Variants in ARFGAP3 observed in about 807,000 individuals in gnomAD.
ARFGAP3 encodes ARF GTPase activating protein 3, also known as ADP-ribosylation factor GTPase-activating protein 3.
A neutral mutation model predicts 75.0 loss-of-function variants in ARFGAP3; 72 were observed. The ratio of observed to expected loss-of-function variants is 0.96; its 90% CI spans 0.79 to 1.17. The LOEUF is 1.17. ARFGAP3 is among the 50% of genes most tolerant of loss of function. The pLI is 0.00. For synonymous variants in ARFGAP3, 221 were observed against 217.9 expected (o/e 1.01, Z -0.13); for missense variants, 620 against 626.6 (o/e 0.99, Z 0.11).
rs528645391 is a variant in ARFGAP3, at chr22:42,823,441, C to G, written c.672+215G>C. ...ATTTTTTTCAGAATTTTGTCATAGA[C>G]AGAAAAAATGTTAAATAATCATTCT... On this transcript the variant is annotated intron_variant, in intron 8 of 15. Coordinates refer to ENST00000263245, the MANE Select transcript of ARFGAP3 (RefSeq NM_014570.5). 5.9e-5 allele frequency among the ~76,000 whole-genome samples: 9 copies of G among 152,016 alleles called. No homozygotes were observed. In the South Asian group the frequency reaches 1.9e-3, roughly 32 times the overall value.
chr22:42,831,036 A>C (rs1410957521), intron 6 of ARFGAP3, among the ~76,000 whole-genome samples: 1 of 151,692 alleles, frequency 6.6e-6, no homozygotes, highest in Non-Finnish European at 1.5e-5. Flanking sequence ...GTGGTGGCTC[A>C]CGCCTGTAAT....
At chr22:42,846,548 G>A (rs1927028872) in intron 2 of ARFGAP3, among the ~76,000 whole-genome samples, 2 of 152,170 alleles carry the variant, frequency 1.3e-5, no homozygotes, top group Non-Finnish European at 2.9e-5. Flanking sequence ...CTCACCAGAG[G>A]GGCCAATGCA....
chr22:42,797,480 T>C lies in ARFGAP3; in HGVS notation c.*108A>G, dbSNP rs1370287874. ...CAGAAACATATACCATATGAAAAAG[T>C]AGCAAAACAATCTGCAAAACTATCT... is the stretch of plus-strand genomic sequence containing the variant. On this transcript the variant is annotated 3_prime_UTR_variant, in exon 16 of 16. Coordinates refer to ENST00000263245, the MANE Select transcript of ARFGAP3 (RefSeq NM_014570.5). 2 of 1,410,116 alleles carry C rather than the reference T, an allele frequency of 1.4e-6. No individual in the cohort carries two copies. The highest frequency in any genetic ancestry group is 2.0e-6 in the Non-Finnish European group (2 of 1,000,862). The allele number at this position is 1,410,116 out of a possible 1,614,324, so 87.4% of individuals were successfully genotyped here.
chr22:42,856,997 A>C, intron 1 of ARFGAP3, 117 bp downstream of exon 1: 1 of 1,047,388 alleles, frequency 9.5e-7, no homozygotes, highest in Non-Finnish European at 1.2e-6. Flanking sequence ...CCACAGTGCG[A>C]CGTGTCACAG....
At position 42,796,876 on chromosome 22, in the gene ARFGAP3, T is replaced by C. The variant is rs1401974543; in HGVS notation, c.*712A>G. 6.6e-6 allele frequency: 1 copy of C among 152,224 alleles called. No homozygotes were observed. Among genetic ancestry groups the C allele is most frequent in the African/African-American group, 2.4e-5 (1 of 41,454 alleles). The allele number at this position is 152,224 out of a possible 1,614,324, so 9.4% of individuals were successfully genotyped here. On this transcript the variant is annotated 3_prime_UTR_variant, in exon 16 of 16. Coordinates refer to ENST00000263245, the MANE Select transcript of ARFGAP3 (RefSeq NM_014570.5). ...ACCGTATTGATTTGTGATGAGATGA[T>C]TTATTATGAGAACTCTTAGGGAGTT...
intron 3 of ARFGAP3, among the ~76,000 whole-genome samples, chr22:42,838,292 T>A (rs186225427): frequency 0.012 from 1,097 of 93,246 alleles, 5 homozygotes; most frequent in African/African-American, 0.021. Context: ...ATATATATAT[T>A]TTTTTTTTCT....
chr22:42,823,062 G>A (rs186340740), intron 8 of ARFGAP3, among the ~76,000 whole-genome samples: 6 of 152,032 alleles, frequency 3.9e-5, no homozygotes, highest in African/African-American at 1.4e-4. Context: ...CACCTGCCTC[G>A]GCCTCCCAAA....
In ARFGAP3 at chr22:42,824,046, T is replaced by G. The variant is rs577450168; in HGVS notation, c.626-344A>C. Among the ~76,000 whole-genome samples the G allele has an allele frequency of 1.8e-4, 27 of 151,612 alleles. No individual in the cohort carries two copies. The East Asian group carries it at 4.1e-3, about 23-fold the overall frequency. ...ATTACAACAACTTTTTTTTTTTTTT[T>G]GAGACAGGGTCTCGCTCTGTCACCT... is the stretch of plus-strand genomic sequence containing the variant. On this transcript the variant is annotated intron_variant, in intron 7 of 15. Transcript: ENST00000263245.
intron 1 of ARFGAP3, among the ~76,000 whole-genome samples, chr22:42,850,072 T>C (rs568335150): frequency 6.6e-6 from 1 of 152,244 alleles, no homozygotes; most frequent in South Asian, 2.1e-4. Context: ...CCTTCAACAC[T>C]GACACTGAAG....
intron 4 of ARFGAP3, chr22:42,834,536 G>A (rs1926437327): frequency 2.6e-6 from 1 of 385,248 alleles, no homozygotes; most frequent in South Asian, 1.1e-4. Context: ...AGGAAGTCAA[G>A]GACCTCAAAC....
intron 14 of ARFGAP3, among the ~76,000 whole-genome samples, chr22:42,803,866 T>TTTCC (rs886959131): frequency 2.0e-5 from 3 of 151,668 alleles, no homozygotes; most frequent in Non-Finnish European, 2.9e-5. Context: ...GAACTGATTG[T>TTTCC]TTCCTTCCTT....
At chr22:42,819,109 G>A (rs998124510) in intron 9 of ARFGAP3, among the ~76,000 whole-genome samples, 8 of 152,022 alleles carry the variant, frequency 5.3e-5, no homozygotes, top group Non-Finnish European at 7.4e-5. Context: ...CACCGCGCCC[G>A]GTGCAGAATT....
chr22:42,831,354 T>C (rs1470685800), intron 6 of ARFGAP3, among the ~76,000 whole-genome samples, 195 bp downstream of exon 6: 1 of 151,590 alleles, frequency 6.6e-6, no homozygotes, highest in Non-Finnish European at 1.5e-5. Flanking sequence ...TTTTTTTTTT[T>C]TGATAGAGAT....
chr22:42,799,850 T>C (rs1311406278), intron 14 of ARFGAP3, among the ~76,000 whole-genome samples: 1 of 152,232 alleles, frequency 6.6e-6, no homozygotes, highest in Non-Finnish European at 1.5e-5. Context: ...GCTGTCTGAC[T>C]GTGACTTAGA....
intron 2 of ARFGAP3, among the ~76,000 whole-genome samples, chr22:42,843,210 G>A (rs767957629): frequency 2.0e-5 from 3 of 152,092 alleles, no homozygotes; most frequent in Non-Finnish European, 2.9e-5. Context: ...AGGGCCTCAG[G>A]AGTGAACTTT....
At chr22:42,838,067 C>T (rs539326010) in intron 3 of ARFGAP3, among the ~76,000 whole-genome samples, 11 of 151,874 alleles carry the variant, frequency 7.2e-5, no homozygotes, top group East Asian at 1.9e-4. Context: ...TTCCAAAGGT[C>T]ACCTCTACCT....
chr22:42,817,677 A>T, intron 10 of ARFGAP3, 52 bp downstream of exon 10: 1 of 1,431,278 alleles, frequency 7.0e-7, no homozygotes, highest in South Asian at 1.2e-5. Flanking sequence ...AAATCCACTG[A>T]TGATTGACAC....
chr22:42,824,782 C>T (rs1925967363), intron 7 of ARFGAP3, among the ~76,000 whole-genome samples: 1 of 152,136 alleles, frequency 6.6e-6, no homozygotes, highest in South Asian at 2.1e-4. Context: ...CTCTTGATCC[C>T]ATCACCCAGA....
At position 42,802,169 on chromosome 22, in the gene ARFGAP3, G is replaced by A. The variant is rs116194316; in HGVS notation, c.1412-3009C>T. ...ACTGGAGGCAGGAGGACCAAGCAGC[G>A]GGTTGTGGCCACGTTTCAGGTCTGG... On this transcript the variant is annotated intron_variant, in intron 14 of 15. Coordinates refer to ENST00000263245, the MANE Select transcript of ARFGAP3 (RefSeq NM_014570.5). 2.9e-3 allele frequency among the ~76,000 whole-genome samples: 442 copies of A among 152,170 alleles called. 2 individuals carry two copies. The highest frequency in any genetic ancestry group is 0.01 in the African/African-American group (428 of 41,482).
Sources: allele counts gnomAD v4.1 joint callset (sites outside exome capture counted in the v4.1 genomes callset), GRCh38; gene constraint gnomAD v4.1.1; transcripts MANE v1.5; gene names NCBI Gene and HGNC (gene_info 2026-07-23, HGNC 2026-07-21).